Variants in PSD3 observed in about 807,000 individuals in gnomAD.
The protein encoded by PSD3 is pleckstrin and Sec7 domain containing 3.
Under a neutral mutation model 105.5 loss-of-function variants are expected in PSD3, and 49 were observed. The ratio of observed to expected loss-of-function variants is 0.46; its 90% CI spans 0.37 to 0.59. The LOEUF (loss-of-function observed/expected upper bound fraction) is 0.59. Among genes scored for constraint, PSD3 ranks in the 20% least tolerant of loss-of-function variants. The pLI, the probability that PSD3 is intolerant of heterozygous loss-of-function variation, is 0.00. For synonymous variants in PSD3, 557 were observed against 457.8 expected, an observed-to-expected ratio of 1.22 and a Z score of -2.77; for missense variants, 1,561 against 1,263.8, an observed-to-expected ratio of 1.24 and a Z score of -3.57.
At position 18,600,384 on chromosome 8, in the gene PSD3, T is replaced by C. The variant is rs199883122; in HGVS notation, c.2461A>G (p.Thr821Ala). Residue 821 changes from threonine to alanine, a missense_variant, in exon 12 of 16, where the codon ACA becomes GCA. Physicochemically the swap from Thr to Ala is moderately conservative, Grantham distance 58. Transcript: ENST00000327040. ...TTTACCTTTTGCAAGTAAAGAACTG[T>C]TCCCTTCAGTACAGCATAAAAGGTT... ...WKTFYAVLKG[T>A]VLYLQKDEYK... The C allele has an allele frequency of 3.7e-6, 6 of 1,609,608 alleles. No individual in the cohort carries two copies. Among genetic ancestry groups the C allele is most frequent in the East Asian group, 2.2e-5 (1 of 44,828 alleles).
chr8:19,073,550 C>CAAAAA lies in PSD3; in HGVS notation c.324+10651_324+10655dup, dbSNP rs869154642. Among the ~76,000 whole-genome samples the CAAAAA allele has an allele frequency of 3.5e-3, 239 of 69,144 alleles. 9 individuals are homozygous for CAAAAA. Among genetic ancestry groups the CAAAAA allele is most frequent in the Non-Finnish European group, 3.6e-3 (145 of 40,124 alleles). 45.4% of individuals were successfully genotyped at this position (69,144 alleles called of 152,430 possible). On this transcript the variant is annotated intron_variant, in intron 1 of 1. Transcript: ENST00000521475. ...TGGGCGACAGAGTGAAACTGTCTCTCAAAAAAAAAAAAAAAAAAAAAAAAA... is the reference window on the plus strand; with the variant it reads ...TGGGCGACAGAGTGAAACTGTCTCTCAAAAAAAAAAAAAAAAAAAAAAAAAAAAAA...
intron 9 of PSD3, among the ~76,000 whole-genome samples, chr8:18,726,726 A>T (rs998388024): frequency 5.3e-5 from 8 of 152,186 alleles, no homozygotes; most frequent in Non-Finnish European, 1.0e-4. Flanking sequence ...GGTCTAATGA[A>T]ATCTCAGATT....
At position 18,846,882 on chromosome 8, in the gene PSD3, G is replaced by A. The variant is rs376668047; in HGVS notation, c.1634+20792C>T. The stretch of plus-strand genomic sequence containing the variant: ...GGCCCAACAACCTCATTTTAAAGAT[G>A]AGGTCAGCTCAGAAACGGGTAGGTG... On this transcript the variant is annotated intron_variant, in intron 4 of 15. Coordinates refer to ENST00000327040, the MANE Select transcript of PSD3 (RefSeq NM_015310.4). Among the ~76,000 whole-genome samples, 155 of 152,208 alleles carry A rather than the reference G, an allele frequency of 1.0e-3. 2 individuals carry two copies. Among genetic ancestry groups the A allele is most frequent in the African/African-American group, 3.5e-3 (146 of 41,516 alleles).
At chr8:18,869,450 A>G (rs944748282) in intron 3 of PSD3, among the ~76,000 whole-genome samples, 4 of 152,068 alleles carry the variant, frequency 2.6e-5, no homozygotes, top group Admixed American at 1.3e-4. Context: ...AAGTGCTGGG[A>G]TTACAGGTGT....
rs567888774 is a variant in PSD3 at position 18,727,148 on chromosome 8, C to T, written c.2172+38301G>A. ...GACAGGTATTCAAGACCAGCTTGGC[C>T]AACATGGTGAAGCCCCATCTCTACT... On this transcript the variant is annotated intron_variant, in intron 9 of 15. Transcript: ENST00000327040. 3.3e-5 allele frequency among the ~76,000 whole-genome samples: 5 copies of T among 152,054 alleles called. No individual in the cohort carries two copies. In the South Asian group the frequency reaches 8.3e-4, roughly 25 times the overall value.
intron 8 of PSD3, among the ~76,000 whole-genome samples, chr8:18,767,490 G>A (rs1375879839): frequency 2.0e-5 from 3 of 152,118 alleles, no homozygotes; most frequent in Non-Finnish European, 4.4e-5. Flanking sequence ...GCTCAAGCCT[G>A]TAATCCCAGC....
intron 1 of PSD3, among the ~76,000 whole-genome samples, chr8:19,024,846 C>T (rs1827487598): frequency 6.6e-6 from 1 of 152,068 alleles, no homozygotes. Flanking sequence ...ATCCCCAGTC[C>T]CCTGTCCTAT....
At chr8:19,003,340 T>TCACTA (rs1826499186) in intron 1 of PSD3, among the ~76,000 whole-genome samples, 2 of 151,644 alleles carry the variant, frequency 1.3e-5, no homozygotes, top group Admixed American at 6.6e-5. Context: ...CTGGGAGTAG[T>TCACTA]CACTACACTC....
intron 11 of PSD3, among the ~76,000 whole-genome samples, chr8:18,614,753 T>C (rs1272288599): frequency 1.3e-5 from 2 of 152,032 alleles, no homozygotes; most frequent in African/African-American, 2.4e-5. Flanking sequence ...CTCAGCTTCC[T>C]GAGAAGCTGG....
chr8:18,636,192 C>T (rs144921307), intron 10 of PSD3, among the ~76,000 whole-genome samples: 4 of 151,998 alleles, frequency 2.6e-5, no homozygotes, highest in East Asian at 1.9e-4. Context: ...CCTAAGCCAG[C>T]GTGTGTATTT....
intron 8 of PSD3, among the ~76,000 whole-genome samples, chr8:18,777,001 G>T (rs964571333): frequency 1.3e-5 from 2 of 151,852 alleles, no homozygotes; most frequent in Non-Finnish European, 2.9e-5. Flanking sequence ...TGATTTTATT[G>T]ATTTTGGTCT....
chr8:18,888,421 T>C (rs1158463638), intron 2 of PSD3, among the ~76,000 whole-genome samples: 1 of 151,974 alleles, frequency 6.6e-6, no homozygotes, highest in Non-Finnish European at 1.5e-5. Context: ...CTGGATTCCG[T>C]CACTTTCCAA....
chr8:18,607,696 C>A (rs74346827), intron 11 of PSD3, among the ~76,000 whole-genome samples: 56,387 of 93,948 alleles, frequency 0.6, 15,290 homozygotes, highest in East Asian at 0.76. Context: ...AAAAAAAAAA[C>A]AAAACAAAAA....
intron 1 of PSD3, among the ~76,000 whole-genome samples, chr8:19,062,232 T>G (rs978246874): frequency 6.6e-6 from 1 of 152,216 alleles, no homozygotes; most frequent in African/African-American, 2.4e-5. Flanking sequence ...GATGTTTGAA[T>G]AGCAGAAGCG....
rs1817463400 is a variant in PSD3, at chr8:18,872,600, T to C, written c.264A>G (p.Pro88=). Residue 88 remains proline (P), a synonymous_variant, in exon 3 of 16, where the codon CCA becomes CCG. Transcript: ENST00000327040. ...EFDGEALPCH[P]QEQQGVQPLT... Reference sequence around the variant, plus strand: ...GAGGCTGGACACCCTGCTGCTCTTGTGGGTGGCATGGCAGAGCCTCACCAT... The same window carrying C: ...GAGGCTGGACACCCTGCTGCTCTTGCGGGTGGCATGGCAGAGCCTCACCAT... The C allele has an allele frequency of 6.2e-7, 1 of 1,614,108 alleles. No individual in the cohort carries two copies.
intron 1 of PSD3, among the ~76,000 whole-genome samples, chr8:18,986,663 C>G (rs908367521): frequency 6.6e-6 from 1 of 151,906 alleles, no homozygotes; most frequent in Non-Finnish European, 1.5e-5. Context: ...TACTATGGCT[C>G]TTTTTGAAGA....
At chr8:18,830,697 CA>C (rs1376573970) in intron 4 of PSD3, among the ~76,000 whole-genome samples, 18 of 152,182 alleles carry the variant, frequency 1.2e-4, no homozygotes, top group Admixed American at 1.2e-3. Flanking sequence ...AAAAAGACTG[CA>C]GCATAACCCG....
chr8:18,743,957 T>TACCACCACCACCA (rs1210197387), intron 9 of PSD3, among the ~76,000 whole-genome samples: 11 of 73,984 alleles, frequency 1.5e-4, no homozygotes, highest in African/African-American at 4.7e-4. Flanking sequence ...AAACTCTGTC[T>TACCACCACCACCA]CTCACCACCA....
chr8:18,953,486 C>T (rs1418741385), intron 1 of PSD3, among the ~76,000 whole-genome samples: 2 of 152,144 alleles, frequency 1.3e-5, no homozygotes, highest in Admixed American at 6.5e-5. Context: ...TGGTGGCTCA[C>T]GCCTGTAATC....
Sources: allele counts gnomAD v4.1 joint callset (sites outside exome capture counted in the v4.1 genomes callset), GRCh38; gene constraint gnomAD v4.1.1; transcripts MANE v1.5; gene names NCBI Gene and HGNC (gene_info 2026-07-23, HGNC 2026-07-21).